Variants in KSR2 observed in about 807,000 individuals in gnomAD.
KSR2 encodes the protein kinase suppressor of ras 2.
In KSR2, 25 loss-of-function variants were observed where a neutral mutation model predicts 107.8. That is an observed-to-expected ratio of 0.23 (90% CI 0.17 to 0.32). The LOEUF is 0.32. KSR2 is among the 10% of genes least tolerant of loss of function. The pLI is 1.00. For synonymous variants in KSR2, 480 were observed against 507.0 expected (o/e 0.95, Z 0.71); for missense variants, 887 against 1,268.9 (o/e 0.70, Z 4.57).
At position 117,855,455 on chromosome 12, in the gene KSR2, A is replaced by G; in HGVS notation, c.445T>C (p.Ser149Pro). 6.2e-7 allele frequency: 1 copy of G among 1,614,016 alleles called. No homozygotes were observed. ...EECARLNASLSCLRNVHMSGG... is the reference protein window; with the variant it reads ...EECARLNASLPCLRNVHMSGG... ...GACATGTGGACATTCCTGAGGCAGGAGAGGGAGGCGTTGAGGCGGGCACAC... is the reference window on the plus strand; with the variant it reads ...GACATGTGGACATTCCTGAGGCAGGGGAGGGAGGCGTTGAGGCGGGCACAC... Residue 149 changes from serine to proline, a missense_variant, in exon 3 of 20, where the codon TCC becomes CCC. By Grantham distance (74) the Ser-to-Pro change is moderately conservative. This residue lies in a region of KSR2 where 399 missense variants were observed against 479.5 expected (regional missense o/e 0.83). Coordinates refer to ENST00000339824, the MANE Select transcript of KSR2 (RefSeq NM_173598.6).
chr12:117,744,090 A>G (rs970696576), intron 4 of KSR2, among the ~76,000 whole-genome samples: 14 of 152,096 alleles, frequency 9.2e-5, no homozygotes, highest in Non-Finnish European at 1.8e-4. Context: ...TGTGCTGTCT[A>G]GTTGGCATAA....
intron 5 of KSR2, among the ~76,000 whole-genome samples, chr12:117,658,828 G>C (rs953054609): frequency 9.2e-5 from 14 of 152,114 alleles, no homozygotes; most frequent in Admixed American, 9.2e-4. Flanking sequence ...TAGAAATGAG[G>C]TCAGGCCAAG....
chr12:117,806,243 C>T (rs536841121), intron 3 of KSR2, among the ~76,000 whole-genome samples: 1 of 152,158 alleles, frequency 6.6e-6, no homozygotes, highest in African/African-American at 2.4e-5. Context: ...TGCTCACATG[C>T]GGCATATTCC....
Position 117,859,270 on chromosome 12 carries a change from C to T in KSR2, c.321+1021G>A, listed in dbSNP as rs939208479. ...AAGCTATTCTCCTGCCTCAGCCTCCCGAGTAGCTGGGACTGCAGGCGTGCA... is the reference window on the plus strand; with the variant it reads ...AAGCTATTCTCCTGCCTCAGCCTCCTGAGTAGCTGGGACTGCAGGCGTGCA... On this transcript the variant is annotated intron_variant, in intron 2 of 19. Coordinates refer to ENST00000339824, the MANE Select transcript of KSR2 (RefSeq NM_173598.6). Among the ~76,000 whole-genome samples the T allele has an allele frequency of 9.3e-5, 14 of 151,084 alleles. No homozygotes were observed. In the South Asian group the frequency reaches 2.9e-3, roughly 32 times the overall value.
chr12:117,875,683 C>T (rs1893818810), intron 1 of KSR2, among the ~76,000 whole-genome samples: 1 of 152,186 alleles, frequency 6.6e-6, no homozygotes. Flanking sequence ...GCTTGTCCCA[C>T]CGGCGAGAGC....
chr12:117,794,018 ACT>A (rs1199695828), intron 3 of KSR2, among the ~76,000 whole-genome samples: 5 of 90,724 alleles, frequency 5.5e-5, no homozygotes, highest in South Asian at 5.5e-4. Context: ...CAACATGCAC[ACT>A]CACACCAACA....
At chr12:117,513,471 T>C (rs1874163585) in intron 14 of KSR2, among the ~76,000 whole-genome samples, 2 of 152,264 alleles carry the variant, frequency 1.3e-5, no homozygotes, top group African/African-American at 4.8e-5. Flanking sequence ...CACACTGATT[T>C]TACCCTTCCC....
intron 14 of KSR2, among the ~76,000 whole-genome samples, chr12:117,497,838 GTTA>G (rs1423486482): frequency 6.6e-6 from 1 of 152,176 alleles, no homozygotes; most frequent in African/African-American, 2.4e-5. Context: ...CTCCCTAGCT[GTTA>G]TTTTTTGAGA....
intron 4 of KSR2, among the ~76,000 whole-genome samples, chr12:117,727,247 C>T (rs548968364): frequency 8.6e-5 from 13 of 150,484 alleles, no homozygotes; most frequent in African/African-American, 3.2e-4. Flanking sequence ...TGATGGCGGG[C>T]ACCTGTAGTC....
intron 3 of KSR2, among the ~76,000 whole-genome samples, chr12:117,835,324 G>A (rs955921783): frequency 3.3e-5 from 5 of 152,286 alleles, no homozygotes; most frequent in Admixed American, 6.5e-5. Flanking sequence ...TGTGCATGGC[G>A]AGTTGGAGGG....
chr12:117,874,177 A>G (rs1593328197), intron 1 of KSR2, among the ~76,000 whole-genome samples: 1 of 152,124 alleles, frequency 6.6e-6, no homozygotes, highest in Non-Finnish European at 1.5e-5. Context: ...TAAATAAATT[A>G]TTTTCCAGAA....
intron 14 of KSR2, among the ~76,000 whole-genome samples, chr12:117,495,614 A>T (rs1334960114): frequency 6.6e-6 from 1 of 152,198 alleles, no homozygotes. Context: ...GAGGGCACTG[A>T]GCTTTTGTTA....
chr12:117,670,744 A>C (rs1884872987), intron 4 of KSR2, among the ~76,000 whole-genome samples: 1 of 152,142 alleles, frequency 6.6e-6, no homozygotes, highest in African/African-American at 2.4e-5. Flanking sequence ...GTAACTAAAT[A>C]GAAAAATGCT....
At position 117,683,385 on chromosome 12, in the gene KSR2, T is replaced by C. The variant is rs537791742; in HGVS notation, c.987-15727A>G. ...AGAAGTTACACATTGAAGATCAAAT[T>C]TGAGTTGGATTTTTGTTTCCTAAAT... On this transcript the variant is annotated intron_variant, in intron 4 of 19. Transcript: ENST00000339824. Among the ~76,000 whole-genome samples the C allele has an allele frequency of 1.3e-4, 20 of 152,246 alleles. No individual in the cohort carries two copies. The East Asian group carries it at 3.5e-3, about 26-fold the overall frequency.
chr12:117,680,350 G>T (rs1885316444), intron 4 of KSR2, among the ~76,000 whole-genome samples: 1 of 152,154 alleles, frequency 6.6e-6, no homozygotes, highest in Non-Finnish European at 1.5e-5. Context: ...CTTCTCATCA[G>T]CCATTACATC....
chr12:117,632,904 G>A lies in KSR2; in HGVS notation c.1171+34570C>T, dbSNP rs192103115. On this transcript the variant is annotated intron_variant, in intron 5 of 19. Transcript: ENST00000339824. ...TTATGGCTGTGTAGTGTTCCATGGCGTACATGTACCACATTTTCTGTATCC... is the reference window on the plus strand; with the variant it reads ...TTATGGCTGTGTAGTGTTCCATGGCATACATGTACCACATTTTCTGTATCC... Among the ~76,000 whole-genome samples the A allele has an allele frequency of 8.9e-4, 136 of 152,262 alleles. 1 individual carries two copies. The highest frequency in any genetic ancestry group is 2.0e-3 in the Admixed American group (30 of 15,294).
intron 3 of KSR2, among the ~76,000 whole-genome samples, chr12:117,851,619 G>A (rs532495780): frequency 8.3e-4 from 127 of 152,142 alleles, no homozygotes; most frequent in African/African-American, 2.9e-3. Context: ...GGCCAGGCAC[G>A]GTGGCTCATA....
chr12:117,961,486 CTTATA>C (rs1896654220), intron 1 of KSR2, among the ~76,000 whole-genome samples: 1 of 152,150 alleles, frequency 6.6e-6, no homozygotes, highest in African/African-American at 2.4e-5. Context: ...GGCCATGGGA[CTTATA>C]TTATCTCACA....
rs1360356339 is a variant in KSR2, at chr12:117,463,361, G to T, written c.*3838C>A. On this transcript the variant is annotated 3_prime_UTR_variant, in exon 20 of 20. Transcript: ENST00000339824. ...CCAACCCTCTCTATCAAAGGCTCCT[G>T]TTCCTCCCCTGACAGCCATATCCAA... is the stretch of plus-strand genomic sequence containing the variant. 1 of 152,158 alleles carries T rather than the reference G, an allele frequency of 6.6e-6. No homozygotes were observed. Among genetic ancestry groups the T allele is most frequent in the Non-Finnish European group, 1.5e-5 (1 of 68,060 alleles). 9.4% of individuals were successfully genotyped at this position (152,158 alleles called of 1,614,324 possible).
Sources: gnomAD v4.1 joint callset for allele counts (sites outside exome capture counted in the v4.1 genomes callset) on GRCh38, gnomAD v4.1.1 for gene constraint, gnomAD v4.1.1 regional missense constraint, MANE v1.5 for transcripts, NCBI Gene and HGNC (gene_info 2026-07-23, HGNC 2026-07-21) for gene names.